DHX8: variants seen among roughly 807,000 people sequenced by gnomAD.
DHX8 encodes the protein DEAH-box helicase 8.
DHX8 carries 67 observed loss-of-function variants against 140.7 expected under a neutral mutation model. The observed-to-expected ratio is 0.48, with a 90% CI of 0.39 to 0.58. The LOEUF (loss-of-function observed/expected upper bound fraction) is 0.58, where lower values mean the gene tolerates loss of function less well. Among genes scored for constraint, DHX8 ranks in the 20% least tolerant of loss-of-function variants. The pLI is 0.00. For missense variants in DHX8, 887 were observed against 1,550.7 expected (o/e 0.57, Z 7.19); for synonymous variants, 533 against 553.2 (o/e 0.96, Z 0.51).
chr17:43,538,224 T>A (rs1396177032), intron 3 of DHX8, among the ~76,000 whole-genome samples: 1 of 151,434 alleles, frequency 6.6e-6, no homozygotes, highest in Admixed American at 6.6e-5. Flanking sequence ...GGAGAATAAC[T>A]TGAACCCGGG....
chr17:43,528,415 CAG>C, downstream of DHX8: 1 of 783,954 alleles, frequency 1.3e-6, no homozygotes, highest in Admixed American at 2.8e-5. Flanking sequence ...GGATCTGCCC[CAG>C]AGACATCTGT....
chr17:43,542,610 C>A (rs959470363), intron 3 of DHX8, among the ~76,000 whole-genome samples: 3 of 152,152 alleles, frequency 2.0e-5, no homozygotes, highest in Non-Finnish European at 4.4e-5. Context: ...ATCATTCACC[C>A]CTGTGTACAA....
intron 12 of DHX8, among the ~76,000 whole-genome samples, chr17:43,505,890 A>C (rs1260371991): frequency 6.6e-6 from 1 of 152,022 alleles, no homozygotes; most frequent in African/African-American, 2.4e-5. Flanking sequence ...AAATATATGC[A>C]CACACACGCA....
Position 43,523,906 on chromosome 17 carries a change from T to C in DHX8, c.*59T>C. ...AGTAGCCAGGGCTTGGACTTATCGATGACAGGCTGGTCCTGAGGATACAGC... is the reference window on the plus strand; with the variant it reads ...AGTAGCCAGGGCTTGGACTTATCGACGACAGGCTGGTCCTGAGGATACAGC... On this transcript the variant is annotated 3_prime_UTR_variant, in exon 23 of 23. Coordinates refer to ENST00000262415, the MANE Select transcript of DHX8 (RefSeq NM_004941.3). 6.2e-7 allele frequency: 1 copy of C among 1,602,576 alleles called. No individual in the cohort carries two copies. The highest frequency in any genetic ancestry group is 8.5e-7 in the Non-Finnish European group (1 of 1,173,738).
At chr17:43,539,873 T>C (rs1338392282) in intron 3 of DHX8, among the ~76,000 whole-genome samples, 1 of 152,244 alleles carries the variant, frequency 6.6e-6, no homozygotes, top group Non-Finnish European at 1.5e-5. Context: ...GCCAAGTGTT[T>C]ATAAACATAG....
chr17:43,536,166 A>C (rs1971233665), intron 2 of DHX8: 1 of 496,276 alleles, frequency 2.0e-6, no homozygotes, highest in Non-Finnish European at 3.6e-6. Flanking sequence ...ACTCTGCTGA[A>C]CTGGCCCAGG....
chr17:43,529,261 A>G, downstream of DHX8: 1 of 1,610,672 alleles, frequency 6.2e-7, no homozygotes, highest in Non-Finnish European at 8.5e-7. Flanking sequence ...GTTTTGGGGT[A>G]GAGATGCTAC....
chr17:43,533,889 T>C, intron 2 of DHX8: 3 of 1,601,024 alleles, frequency 1.9e-6, no homozygotes, highest in African/African-American at 2.7e-5. Flanking sequence ...GCCATGGTGG[T>C]AGGGGAGTGG....
downstream of DHX8, chr17:43,529,377 CT>C (rs1370641335): frequency 1.2e-5 from 17 of 1,420,650 alleles, no homozygotes; most frequent in Non-Finnish European, 1.7e-5. Flanking sequence ...CAGACTTAGG[CT>C]TGGCAAGAAT....
rs536262325 is a variant in DHX8 at position 43,513,510 on chromosome 17, G to A, written c.2643+8G>A. 1.1e-5 allele frequency: 18 copies of A among 1,612,080 alleles called. No homozygotes were observed. Among genetic ancestry groups the A allele is most frequent in the South Asian group, 9.9e-5 (9 of 90,786 alleles). On this transcript the variant is annotated splice_region_variant and intron_variant, in intron 17 of 22. Coordinates refer to ENST00000262415, the MANE Select transcript of DHX8 (RefSeq NM_004941.3). ...GTGACGCCTATTTCTCAGGTATGAC[G>A]GCTTGTATCAACAGTTTTCCTGATA...
In DHX8 at chr17:43,507,791, C is replaced by T. The variant is rs770269775; in HGVS notation, c.2110-18C>T. The stretch of plus-strand genomic sequence containing the variant: ...TTGGGTAGTCCTTTTCAGTAAGCCA[C>T]ATAATATTTCTCTTCAGACAGTTCA... On this transcript the variant is annotated intron_variant, in intron 14 of 22. Transcript: ENST00000262415. 6 of 1,613,936 alleles carry T rather than the reference C, an allele frequency of 3.7e-6. No homozygotes were observed. In the East Asian group the frequency reaches 6.7e-5, roughly 18 times the overall value.
intron 17 of DHX8, among the ~76,000 whole-genome samples, chr17:43,514,802 A>G (rs569297607): frequency 6.6e-6 from 1 of 152,342 alleles, no homozygotes; most frequent in African/African-American, 2.4e-5. Flanking sequence ...AAATTATGGT[A>G]TATTCATGCC....
At chr17:43,485,610 G>A (rs1442226486) in intron 1 of DHX8, among the ~76,000 whole-genome samples, 1 of 151,786 alleles carries the variant, frequency 6.6e-6, no homozygotes, top group Non-Finnish European at 1.5e-5. Flanking sequence ...TGGGGGCTAG[G>A]CATACCACAG....
chr17:43,540,451 T>C (rs1378774084), intron 3 of DHX8, among the ~76,000 whole-genome samples: 1 of 152,140 alleles, frequency 6.6e-6, no homozygotes, highest in Non-Finnish European at 1.5e-5. Flanking sequence ...AGACCCTGTC[T>C]CAAATAACAA....
At chr17:43,509,317 A>G (rs8064459) in intron 16 of DHX8, among the ~76,000 whole-genome samples, 91,792 of 152,030 alleles carry the variant, frequency 0.6, 28,798 homozygotes, top group African/African-American at 0.78. Context: ...ACGAGCAAGT[A>G]GGGCCAGTTC....
intron 3 of DHX8, chr17:43,544,079 G>C (rs1316210504): frequency 6.6e-6 from 1 of 152,160 alleles, no homozygotes; most frequent in Non-Finnish European, 1.5e-5. Context: ...TTTTCATAGT[G>C]TTAAAATAAA....
intron 3 of DHX8, among the ~76,000 whole-genome samples, chr17:43,538,027 G>A (rs1971335082): frequency 6.6e-6 from 1 of 151,914 alleles, no homozygotes; most frequent in African/African-American, 2.4e-5. Context: ...CTAATCCTGA[G>A]GCAGGAGTAT....
downstream of DHX8, chr17:43,526,720 C>T (rs186520394): frequency 1.5e-5 from 21 of 1,431,652 alleles, no homozygotes; most frequent in African/African-American, 2.3e-4. Flanking sequence ...AGGGTTTCCA[C>T]CGATTTTTAC....
chr17:43,526,633 GCTTGTGGAGAC>G, downstream of DHX8: 1 of 1,533,952 alleles, frequency 6.5e-7, no homozygotes, highest in African/African-American at 1.4e-5. Context: ...CATCATCTCA[GCTTGTGGAGAC>G]CTTTCTTTCC....
Sources: allele counts gnomAD v4.1 joint callset (sites outside exome capture counted in the v4.1 genomes callset), GRCh38; gene constraint gnomAD v4.1.1; transcripts MANE v1.5; gene names NCBI Gene and HGNC (gene_info 2026-07-23, HGNC 2026-07-21).